The following CEMIP variants were observed in gnomAD, a reference collection of about 807,000 sequenced individuals.
CEMIP encodes cell migration-inducing and hyaluronan-binding protein.
A neutral mutation model predicts 156.9 loss-of-function variants in CEMIP; 105 were observed. The observed-to-expected ratio is 0.67, with a 90% CI of 0.57 to 0.79. The LOEUF (loss-of-function observed/expected upper bound fraction) is 0.79. Among genes scored for constraint, CEMIP ranks in the 30% least tolerant of loss-of-function variants. CEMIP has a pLI of 0.00. For missense variants in CEMIP, 1,457 were observed against 1,769.4 expected, an observed-to-expected ratio of 0.82 and a Z score of 3.17; for synonymous variants, 676 against 668.4, an observed-to-expected ratio of 1.01 and a Z score of -0.17.
rs764417438 is a variant in CEMIP, at chr15:80,848,953, A to AT, written c.-175-24533dup. Among the ~76,000 whole-genome samples the AT allele has an allele frequency of 4.4e-4, 32 of 72,502 alleles. 2 individuals are homozygous for AT. The highest frequency in any genetic ancestry group is 9.1e-4 in the South Asian group (2 of 2,190). 47.6% of individuals were successfully genotyped at this position (72,502 alleles called of 152,430 possible). A position where few individuals can be genotyped will look rare whatever the true frequency, so the allele number is the denominator to read the frequency against. On this transcript the variant is annotated intron_variant, in intron 1 of 29. Coordinates refer to ENST00000394685, the MANE Select transcript of CEMIP (RefSeq NM_001293298.2). ...CCTGGCTTCAGGGATCTCTTTAGAA[A>AT]TTTTTTTTTTTTTTTTTTTTTTTTT...
intron 1 of CEMIP, among the ~76,000 whole-genome samples, chr15:80,781,030 C>G (rs1037527927): frequency 3.3e-5 from 5 of 152,148 alleles, no homozygotes; most frequent in Non-Finnish European, 7.4e-5. Flanking sequence ...CTGTGGTTCT[C>G]TGGCTTTTCT....
chr15:80,820,830 A>G (rs1405701195), intron 1 of CEMIP, among the ~76,000 whole-genome samples: 1 of 152,228 alleles, frequency 6.6e-6, no homozygotes, highest in Non-Finnish European at 1.5e-5. Flanking sequence ...AAATGAATGT[A>G]AACATGGGAA....
intron 1 of CEMIP, among the ~76,000 whole-genome samples, chr15:80,788,471 C>CAAAAAAAAAAAAAAAAAAA (rs11320710): frequency 1.3e-5 from 1 of 79,330 alleles, no homozygotes; most frequent in African/African-American, 3.5e-5. Context: ...AACTCCATCT[C>CAAAAAAAAAAAAAAAAAAA]AAAAAAAAAA....
chr15:80,857,413 T>G (rs1214211637), intron 1 of CEMIP, among the ~76,000 whole-genome samples: 2 of 152,326 alleles, frequency 1.3e-5, no homozygotes, highest in Middle Eastern at 6.8e-3. Context: ...TTGAGGAAAT[T>G]TCATGGCATC....
rs575051254 is a variant in CEMIP at position 80,863,875 on chromosome 15, T to C, written c.-175-9663T>C. Among the ~76,000 whole-genome samples the C allele has an allele frequency of 2.0e-5, 3 of 152,306 alleles. No homozygotes were observed. The South Asian group carries it at 6.2e-4, about 32-fold the overall frequency. On this transcript the variant is annotated intron_variant, in intron 1 of 29. Coordinates refer to ENST00000394685, the MANE Select transcript of CEMIP (RefSeq NM_001293298.2). ...ATCCCCCAGAAGGGTGGGAGTTTAA[T>C]ACTGGGATGGGTAAACAAGGCCATA... is the stretch of plus-strand genomic sequence containing the variant.
intron 1 of CEMIP, among the ~76,000 whole-genome samples, chr15:80,830,988 G>A (rs1036433347): frequency 2.6e-5 from 4 of 152,192 alleles, no homozygotes; most frequent in African/African-American, 9.7e-5. Context: ...ACTGGGTCCA[G>A]CACTGACCCC....
At chr15:80,858,725 C>CA (rs549541547) in intron 1 of CEMIP, among the ~76,000 whole-genome samples, 67 of 146,220 alleles carry the variant, frequency 4.6e-4, no homozygotes, top group South Asian at 1.3e-3. Flanking sequence ...AACTCCATCT[C>CA]AAAAAAAAAA....
intron 1 of CEMIP, among the ~76,000 whole-genome samples, chr15:80,872,595 A>G (rs563163969): frequency 3.8e-4 from 58 of 152,318 alleles, no homozygotes; most frequent in African/African-American, 1.3e-3. Flanking sequence ...CTTTGGGATC[A>G]CTTGAGGTCA....
chr15:80,877,020 T>C (rs8032278), intron 3 of CEMIP, among the ~76,000 whole-genome samples: 1,533 of 152,168 alleles, frequency 0.01, 26 homozygotes, highest in African/African-American at 0.034. Flanking sequence ...GAAAGGCACA[T>C]CTTACAGGGC....
chr15:80,835,306 A>C (rs1221096605), intron 1 of CEMIP, among the ~76,000 whole-genome samples: 1 of 152,192 alleles, frequency 6.6e-6, no homozygotes, highest in Non-Finnish European at 1.5e-5. Flanking sequence ...AATGTCAGGA[A>C]GGGCTTCATG....
chr15:80,900,490 C>T (rs760661623), intron 12 of CEMIP, among the ~76,000 whole-genome samples: 1 of 152,134 alleles, frequency 6.6e-6, no homozygotes, highest in African/African-American at 2.4e-5. Context: ...ACATTCGGCT[C>T]GGAGCAGCCA....
chr15:80,844,401 G>T (rs1897504398), intron 1 of CEMIP, among the ~76,000 whole-genome samples: 1 of 152,242 alleles, frequency 6.6e-6, no homozygotes, highest in Non-Finnish European at 1.5e-5. Flanking sequence ...GCCAGGATGA[G>T]GGGGCAGGAG....
intron 1 of CEMIP, among the ~76,000 whole-genome samples, chr15:80,808,488 G>A (rs1334080361): frequency 6.6e-6 from 1 of 152,144 alleles, no homozygotes; most frequent in East Asian, 1.9e-4. Context: ...GAGATTCAGA[G>A]CATCTACCTG....
chr15:80,845,296 TG>T (rs989197336), intron 1 of CEMIP, among the ~76,000 whole-genome samples: 10 of 152,120 alleles, frequency 6.6e-5, no homozygotes, highest in Non-Finnish European at 1.5e-5. Context: ...CCAGGCGTGG[TG>T]GTGCATGCCT....
At chr15:80,817,695 A>G (rs1392119341) in intron 1 of CEMIP, among the ~76,000 whole-genome samples, 1 of 151,756 alleles carries the variant, frequency 6.6e-6, no homozygotes, top group Non-Finnish European at 1.5e-5. Context: ...TGTGGCTGTG[A>G]GGATCCTGAC....
chr15:80,897,319 G>T (rs1390768126), intron 12 of CEMIP: 1 of 456,044 alleles, frequency 2.2e-6, no homozygotes, highest in East Asian at 6.9e-5. Context: ...TTGGCTGCCT[G>T]AGATGTGCTT....
intron 14 of CEMIP, among the ~76,000 whole-genome samples, chr15:80,917,134 A>G (rs986951214): frequency 6.6e-6 from 1 of 152,168 alleles, no homozygotes; most frequent in Non-Finnish European, 1.5e-5. Context: ...CCTTTCAATG[A>G]GGCTTTTTCT....
chr15:80,779,960 G>T (rs1895747256), intron 1 of CEMIP, among the ~76,000 whole-genome samples: 1 of 152,050 alleles, frequency 6.6e-6, no homozygotes, highest in Non-Finnish European at 1.5e-5. Flanking sequence ...GAATGGCACC[G>T]GGGGCTTGCG....
intron 1 of CEMIP, among the ~76,000 whole-genome samples, chr15:80,834,212 C>T (rs1192578592): frequency 6.6e-6 from 1 of 152,196 alleles, no homozygotes; most frequent in Non-Finnish European, 1.5e-5. Context: ...TGGATAGGAA[C>T]CCTTTGTCAG....
Sources: allele counts gnomAD v4.1 joint callset (sites outside exome capture counted in the v4.1 genomes callset), GRCh38; gene constraint gnomAD v4.1.1; transcripts MANE v1.5; gene names NCBI Gene and HGNC (gene_info 2026-07-23, HGNC 2026-07-21).